WRN: variants seen among roughly 807,000 people sequenced by gnomAD.
WRN encodes bifunctional 3'-5' exonuclease/ATP-dependent helicase WRN.
Under a neutral mutation model 180.7 loss-of-function variants are expected in WRN, and 149 were observed. The observed-to-expected ratio is 0.82, with a 90% CI of 0.72 to 0.94. The LOEUF is 0.94. Ranked by LOEUF, WRN falls within the 40% of genes least tolerant of loss-of-function variation. The probability of loss-of-function intolerance (pLI) is 0.00; values close to 1 mark genes in which losing one functional copy is unlikely to be tolerated. For missense variants in WRN, 1,661 were observed against 1,700.1 expected (o/e 0.98, Z 0.40); for synonymous variants, 548 against 568.9 (o/e 0.96, Z 0.52).
chr8:31,065,222 CTTTA>C (rs1026174199), intron 5 of WRN, among the ~76,000 whole-genome samples, 159 bp downstream of exon 5: 11 of 151,734 alleles, frequency 7.2e-5, no homozygotes, highest in African/African-American at 1.2e-4. Context: ...TAATGAAAAC[CTTTA>C]TTTATTTATT....
chr8:31,147,298 T>C, intron 29 of WRN, 66 bp from the exon 30 acceptor site: 2 of 1,541,238 alleles, frequency 1.3e-6, no homozygotes, highest in Non-Finnish European at 1.8e-6. Flanking sequence ...TCTGAAGCTC[T>C]AAAAATAAAG....
chr8:31,042,887 A>G (rs1439148385), intron 1 of WRN, among the ~76,000 whole-genome samples: 5 of 152,190 alleles, frequency 3.3e-5, no homozygotes, highest in Non-Finnish European at 7.3e-5. Flanking sequence ...TCAATAGGGA[A>G]TTGTTAAATT....
At chr8:31,084,473 A>C (rs1423890303) in intron 10 of WRN, among the ~76,000 whole-genome samples, 1 of 151,984 alleles carries the variant, frequency 6.6e-6, no homozygotes, top group Non-Finnish European at 1.5e-5. Context: ...TTATTGCTTA[A>C]ATTTTGCAGG....
chr8:31,037,377 G>A (rs944638936), intron 1 of WRN, among the ~76,000 whole-genome samples: 3 of 152,240 alleles, frequency 2.0e-5, no homozygotes, highest in Non-Finnish European at 4.4e-5. Flanking sequence ...TTGCTTGCCT[G>A]CTGCTCACCT....
chr8:31,038,339 T>C (rs1563316458), intron 1 of WRN, among the ~76,000 whole-genome samples: 1 of 152,230 alleles, frequency 6.6e-6, no homozygotes, highest in Non-Finnish European at 1.5e-5. Context: ...ATGTTGAGCA[T>C]CTTTTAATGT....
At chr8:31,167,517 A>G (rs1803948747) in intron 34 of WRN, among the ~76,000 whole-genome samples, 1 of 152,114 alleles carries the variant, frequency 6.6e-6, no homozygotes, top group Non-Finnish European at 1.5e-5. Flanking sequence ...TTTCGGAGGT[A>G]TAGTTAATGG....
At chr8:31,090,571 A>AG in intron 14 of WRN, 39 bp downstream of exon 14, 1 of 1,576,872 alleles carries the variant, frequency 6.3e-7, no homozygotes, top group Non-Finnish European at 8.7e-7. Flanking sequence ...CTTTAAAAAA[A>AG]TAAAACATAA....
intron 7 of WRN, among the ~76,000 whole-genome samples, chr8:31,072,680 G>T (rs757413302): frequency 4.6e-5 from 7 of 152,192 alleles, no homozygotes; most frequent in Admixed American, 1.3e-4. Flanking sequence ...AATAACGAAG[G>T]CATGTGTAAA....
At chr8:31,121,367 G>T (rs1256648821) in intron 21 of WRN, among the ~76,000 whole-genome samples, 1 of 152,004 alleles carries the variant, frequency 6.6e-6, no homozygotes, top group East Asian at 1.9e-4. Context: ...GTTTTTGATT[G>T]TCCACTGTGT....
At chr8:31,089,982 C>T (rs1317536111) in intron 13 of WRN, among the ~76,000 whole-genome samples, 1 of 151,780 alleles carries the variant, frequency 6.6e-6, no homozygotes, top group Non-Finnish European at 1.5e-5. Flanking sequence ...ATTTACTTAA[C>T]AGTTTTTTCT....
At position 31,175,254 on chromosome 8, in the gene WRN, G is replaced by A. The variant is rs1446535089; in HGVS notation, c.*2152G>A. ...GATCGAGACCACCCTGGCCAACATG[G>A]TGAAACCCCGTCTCTACTAAAAATA... is the stretch of plus-strand genomic sequence containing the variant. On this transcript the variant is annotated 3_prime_UTR_variant, in exon 35 of 35. Transcript: ENST00000298139. 6.6e-6 allele frequency among the ~76,000 whole-genome samples: 1 copy of A among 152,054 alleles called. No individual in the cohort carries two copies. The highest frequency in any genetic ancestry group is 2.4e-5 in the African/African-American group (1 of 41,442).
Position 31,056,518 on chromosome 8 carries a change from G to A in WRN, c.-76-1854G>A, listed in dbSNP as rs191885569. Among the ~76,000 whole-genome samples, 32 of 152,158 alleles carry A rather than the reference G, an allele frequency of 2.1e-4. No homozygotes were observed. The East Asian group carries it at 6.0e-3, about 28-fold the overall frequency. On this transcript the variant is annotated intron_variant, in intron 1 of 34. Transcript: ENST00000298139. ...CCCCAAGAGTTGAGTTGTACCCATC[G>A]GCAAACTTTGATCATGATTCTGTGA...
At chr8:31,166,451 C>G (rs1040454383) in intron 33 of WRN, among the ~76,000 whole-genome samples, 1 of 152,040 alleles carries the variant, frequency 6.6e-6, no homozygotes, top group Non-Finnish European at 1.5e-5. Context: ...TTTCTTGATT[C>G]TGAAAATAAG....
chr8:31,075,053 A>G (rs1275177098), intron 7 of WRN, among the ~76,000 whole-genome samples: 1 of 152,106 alleles, frequency 6.6e-6, no homozygotes, highest in East Asian at 1.9e-4. Flanking sequence ...TGAAGAAAAG[A>G]TTGTCGGAAA....
At chr8:31,165,727 T>G (rs1008157286) in intron 33 of WRN, among the ~76,000 whole-genome samples, 1 of 152,126 alleles carries the variant, frequency 6.6e-6, no homozygotes, top group Non-Finnish European at 1.5e-5. Context: ...CCTAAGTGGT[T>G]CCAAACATAT....
chr8:31,100,086 T>G (rs1049968687), intron 17 of WRN, among the ~76,000 whole-genome samples: 3 of 152,202 alleles, frequency 2.0e-5, no homozygotes, highest in Admixed American at 1.3e-4. Context: ...AAATTATTCT[T>G]AAGTATCAAT....
At chr8:31,035,049 T>A (rs1031383485) in intron 1 of WRN, among the ~76,000 whole-genome samples, 41 of 152,200 alleles carry the variant, frequency 2.7e-4, no homozygotes, top group African/African-American at 9.7e-4. Context: ...GCTAAAATTT[T>A]ATTTTCTTTT....
intron 18 of WRN, among the ~76,000 whole-genome samples, chr8:31,106,486 CG>C (rs555236361): frequency 6.6e-6 from 1 of 152,128 alleles, no homozygotes; most frequent in Non-Finnish European, 1.5e-5. Context: ...CCTCATTCAC[CG>C]GATGCAGCCA....
At position 31,096,831 on chromosome 8, in the gene WRN, G is replaced by T; in HGVS notation, c.1962G>T (p.Gln654His). 1 of 1,613,002 alleles carries T rather than the reference G, an allele frequency of 6.2e-7. No individual in the cohort carries two copies. The highest frequency in any genetic ancestry group is 8.5e-7 in the Non-Finnish European group (1 of 1,179,728). Residue 654 changes from glutamine to histidine, a missense_variant, in exon 17 of 35, where the codon CAG (glutamine) becomes CAT (histidine). By Grantham distance (24) the Gln-to-His change is conservative. Coordinates refer to ENST00000298139, the MANE Select transcript of WRN (RefSeq NM_000553.6). ...EYCSGNMGLL[Q>H]QLEADIGITL... ...GTTCAGGTAACATGGGCCTGCTCCA[G>T]CAACTTGAGGCTGATATTGGTAAGT...
Sources: gnomAD v4.1 joint callset for allele counts (sites outside exome capture counted in the v4.1 genomes callset) on GRCh38, gnomAD v4.1.1 for gene constraint, MANE v1.5 for transcripts, NCBI Gene and HGNC (gene_info 2026-07-23, HGNC 2026-07-21) for gene names.